Variants in PUS7L observed in about 807,000 individuals in gnomAD.
PUS7L encodes pseudouridine synthase 7 like, also known as pseudouridylate synthase PUS7L.
A neutral mutation model predicts 51.1 loss-of-function variants in PUS7L; 49 were observed. That is an observed-to-expected ratio of 0.96 (90% CI 0.76 to 1.22). The LOEUF (loss-of-function observed/expected upper bound fraction) is 1.22. Ranked by LOEUF, PUS7L falls within the 50% of genes most tolerant of loss-of-function variation. The pLI, the probability that PUS7L is intolerant of heterozygous loss-of-function variation, is 0.00. For missense variants in PUS7L, 828 were observed against 820.6 expected, an observed-to-expected ratio of 1.01 and a Z score of -0.11; for synonymous variants, 277 against 276.2, an observed-to-expected ratio of 1.00 and a Z score of -0.03.
chr12:43,751,354 C>T (rs1028419051), intron 2 of PUS7L, among the ~76,000 whole-genome samples: 5 of 137,260 alleles, frequency 3.6e-5, no homozygotes, highest in African/African-American at 1.3e-4. Context: ...CCCCTCCCCC[C>T]ACTCCACAAC....
chr12:43,727,999 C>T lies in PUS7L; in HGVS notation c.*2377G>A, dbSNP rs972737004. On this transcript the variant is annotated 3_prime_UTR_variant, in exon 9 of 9. Coordinates refer to ENST00000344862, the MANE Select transcript of PUS7L (RefSeq NM_031292.5). ...TTGGCATGTGATGTTTAAAGGACAT[C>T]CTTGCAGTTTAAGATGACACTTTAA... 4 of 151,772 alleles carry T rather than the reference C, an allele frequency of 2.6e-5. No individual in the cohort carries two copies. The highest frequency in any genetic ancestry group is 9.7e-5 in the African/African-American group (4 of 41,300). The allele number at this position is 151,772 out of a possible 1,614,324, so 9.4% of individuals were successfully genotyped here. A position where few individuals can be genotyped will look rare whatever the true frequency, so the allele number is the denominator to read the frequency against.
chr12:43,748,111 T>C (rs535530594), intron 3 of PUS7L, among the ~76,000 whole-genome samples: 89 of 152,346 alleles, frequency 5.8e-4, no homozygotes, highest in African/African-American at 2.0e-3. Flanking sequence ...TTCTGAGTAG[T>C]AGGCTTACCG....
At chr12:43,742,675 T>C (rs147243005) in intron 4 of PUS7L, 120 bp from the exon 5 acceptor site, 15 of 1,347,144 alleles carry the variant, frequency 1.1e-5, no homozygotes, top group Middle Eastern at 2.5e-4. Context: ...ATCAGCAGTA[T>C]ACACATAGGG....
Position 43,726,380 on chromosome 12 carries a change from A to T in PUS7L, c.*3996T>A, listed in dbSNP as rs1944454826. 1 of 152,220 alleles carries T rather than the reference A, an allele frequency of 6.6e-6. No individual in the cohort carries two copies. Among genetic ancestry groups the T allele is most frequent in the South Asian group, 2.1e-4 (1 of 4,834 alleles). 9.4% of individuals were successfully genotyped at this position (152,220 alleles called of 1,614,324 possible). ...AAACTGGACCCCTTCTTTTTACCATATACAAAAATCAACTCAAGATGGGTT... is the reference window on the plus strand; with the variant it reads ...AAACTGGACCCCTTCTTTTTACCATTTACAAAAATCAACTCAAGATGGGTT... On this transcript the variant is annotated 3_prime_UTR_variant, in exon 9 of 9. Transcript: ENST00000344862.
At chr12:43,745,820 T>A (rs940512748) in intron 4 of PUS7L, among the ~76,000 whole-genome samples, 1 of 149,808 alleles carries the variant, frequency 6.7e-6, no homozygotes, top group Non-Finnish European at 1.5e-5. Flanking sequence ...CCTGCATTTT[T>A]AAAATCATGT....
At chr12:43,744,137 A>G (rs1179718802) in intron 4 of PUS7L, among the ~76,000 whole-genome samples, 4 of 152,252 alleles carry the variant, frequency 2.6e-5, no homozygotes, top group Admixed American at 1.3e-4. Flanking sequence ...AGAAACTTCT[A>G]CCTTTTTAAA....
At chr12:43,733,664 A>C (rs1944612735) in intron 7 of PUS7L, among the ~76,000 whole-genome samples, 1 of 152,244 alleles carries the variant, frequency 6.6e-6, no homozygotes, top group Non-Finnish European at 1.5e-5. Context: ...GAAATGGATG[A>C]CTTACTAATT....
rs374495421 is a variant in PUS7L at position 43,724,113 on chromosome 12, C to G, written c.*6263G>C. The G allele has an allele frequency of 1.3e-5, 2 of 152,020 alleles. No homozygotes were observed. The highest frequency in any genetic ancestry group is 1.3e-4 in the Admixed American group (2 of 15,270). 9.4% of individuals were successfully genotyped at this position (152,020 alleles called of 1,614,324 possible). On this transcript the variant is annotated 3_prime_UTR_variant, in exon 9 of 9. Transcript: ENST00000344862. ...TATCTTCCTCCAACCTCTTTTCCTA[C>G]CCTTACATTAATGTAAAAGACTTTG...
At position 43,735,246 on chromosome 12, in the gene PUS7L, G is replaced by A. The variant is rs576482023; in HGVS notation, c.1725+1135C>T. On this transcript the variant is annotated intron_variant, in intron 7 of 8. Transcript: ENST00000344862. ...GCAGGAGAATGGCGTGAACCCGGGA[G>A]GCAGAGCTTGCAGTGAGCCGAGATC... 1.6e-4 allele frequency among the ~76,000 whole-genome samples: 24 copies of A among 152,084 alleles called. No individual in the cohort carries two copies. The South Asian group carries it at 5.0e-3, about 32-fold the overall frequency.
At chr12:43,751,392 C>T (rs553347482) in intron 2 of PUS7L, among the ~76,000 whole-genome samples, 6 of 148,150 alleles carry the variant, frequency 4.0e-5, no homozygotes, top group African/African-American at 1.0e-4. Flanking sequence ...GTTCCCCTTC[C>T]GGTGTCCAGG....
rs1398108902 is a variant in PUS7L, at chr12:43,731,881, A to G, written c.1726-123T>C. 4.9e-6 allele frequency: 3 copies of G among 617,500 alleles called. No homozygotes were observed. The African/African-American group carries it at 5.9e-5, about 12-fold the overall frequency. 38.3% of individuals were successfully genotyped at this position (617,500 alleles called of 1,614,324 possible). On this transcript the variant is annotated intron_variant, in intron 7 of 8. Coordinates refer to ENST00000344862, the MANE Select transcript of PUS7L (RefSeq NM_031292.5). ...CTATGCTGAATATACATAAACCCAA[A>G]CAAGATCTTATCATAATTTGTTTCT...
chr12:43,752,240 GT>G (rs535114222), intron 2 of PUS7L, among the ~76,000 whole-genome samples: 150 of 152,044 alleles, frequency 9.9e-4, no homozygotes, highest in African/African-American at 3.5e-3. Flanking sequence ...TGGCTGGAAG[GT>G]TGGTACTGGC....
intron 5 of PUS7L, among the ~76,000 whole-genome samples, chr12:43,740,246 A>G (rs1314443016): frequency 1.3e-5 from 2 of 152,194 alleles, no homozygotes; most frequent in Non-Finnish European, 1.5e-5. Flanking sequence ...TAGAGTAGGA[A>G]AGGATCTTAA....
At chr12:43,734,947 T>C (rs1944648496) in intron 7 of PUS7L, among the ~76,000 whole-genome samples, 1 of 152,208 alleles carries the variant, frequency 6.6e-6, no homozygotes, top group African/African-American at 2.4e-5. Flanking sequence ...TCTTTTTGCA[T>C]TACAGCACTA....
Position 43,758,788 on chromosome 12 carries a change from A to T in PUS7L, c.-75T>A. On this transcript the variant is annotated 5_prime_UTR_variant, in exon 1 of 9. Coordinates refer to ENST00000344862, the MANE Select transcript of PUS7L (RefSeq NM_031292.5). ...GCTGTGCGCATGCCCGGAAGCCTTA[A>T]GTGTTTCAGCCTCCGACAGGGGCGT... 8.5e-6 allele frequency: 8 copies of T among 938,194 alleles called. No individual in the cohort carries two copies. The highest frequency in any genetic ancestry group is 1.0e-5 in the Non-Finnish European group (8 of 787,430). The allele number at this position is 938,194 out of a possible 1,614,324, so 58.1% of individuals were successfully genotyped here. A position where few individuals can be genotyped will look rare whatever the true frequency, so the allele number is the denominator to read the frequency against.
rs751918425 is a variant in PUS7L at position 43,754,550 on chromosome 12, G to T, written c.696C>A (p.Thr232=). The T allele has an allele frequency of 3.7e-6, 6 of 1,609,874 alleles. No individual in the cohort carries two copies. In the South Asian group the frequency reaches 6.6e-5, roughly 18 times the overall value. ...LDAKKENSKF[T]FKPDTNKDHR... The stretch of plus-strand genomic sequence containing the variant: ...GGTCTTTGTTTGTATCAGGTTTAAA[G>T]GTAAATTTGGAATTTTCTTTCTTTG... The change falls in exon 2 of 9, where the codon ACC becomes ACA. Residue 232 remains threonine, a synonymous_variant. Transcript: ENST00000344862.
intron 1 of PUS7L, among the ~76,000 whole-genome samples, chr12:43,757,219 G>A (rs4251566): frequency 0.05 from 7,645 of 152,248 alleles, 307 homozygotes; most frequent in South Asian, 0.075. Flanking sequence ...CGTCCAGGCT[G>A]GAGTGCAGTG....
chr12:43,731,770 A>G lies in PUS7L; in HGVS notation c.1726-12T>C. 3 of 1,520,348 alleles carry G rather than the reference A, an allele frequency of 2.0e-6. No homozygotes were observed. The highest frequency in any genetic ancestry group is 2.7e-6 in the Non-Finnish European group (3 of 1,100,752). 94.2% of individuals were successfully genotyped at this position (1,520,348 alleles called of 1,614,324 possible). On this transcript the variant is annotated splice_polypyrimidine_tract_variant and intron_variant, in intron 7 of 8. Coordinates refer to ENST00000344862, the MANE Select transcript of PUS7L (RefSeq NM_031292.5). ...GTTACCAGGTGAATCTAGTTTTAAA[A>G]AACATGAAAATATGAATGATTCCCA...
chr12:43,722,735 A>AG lies in PUS7L; in HGVS notation c.*7640dup, dbSNP rs954708823. 1.3e-5 allele frequency: 2 copies of AG among 152,112 alleles called. No homozygotes were observed. Among genetic ancestry groups the AG allele is most frequent in the Non-Finnish European group, 1.5e-5 (1 of 67,964 alleles). The allele number at this position is 152,112 out of a possible 1,614,324, so 9.4% of individuals were successfully genotyped here. A position where few individuals can be genotyped will look rare whatever the true frequency, so the allele number is the denominator to read the frequency against. The stretch of plus-strand genomic sequence containing the variant: ...CTAGTCCTTTATGTTCCCCTGCCAC[A>AG]GGGGAGGCATTGGAAACAATGATCA... On this transcript the variant is annotated 3_prime_UTR_variant, in exon 9 of 9. Transcript: ENST00000344862.
Sources: allele counts gnomAD v4.1 joint callset (sites outside exome capture counted in the v4.1 genomes callset), GRCh38; gene constraint gnomAD v4.1.1; transcripts MANE v1.5; gene names NCBI Gene and HGNC (gene_info 2026-07-23, HGNC 2026-07-21).